CCDC71: variants seen among roughly 807,000 people sequenced by gnomAD.
The protein encoded by CCDC71 is coiled-coil domain containing 71.
For missense variants in CCDC71, 594 were observed against 604.0 expected (o/e 0.98, Z 0.17); for synonymous variants, 257 against 242.2 (o/e 1.06, Z -0.57).
At chr3:49,165,922 CAGG>C (rs1257510339) in intron 1 of CCDC71, among the ~76,000 whole-genome samples, 3 of 152,184 alleles carry the variant, frequency 2.0e-5, no homozygotes, top group East Asian at 3.9e-4. Flanking sequence ...CCGGGGAAGG[CAGG>C]AGAAGTTGAC....
At position 49,163,687 on chromosome 3, in the gene CCDC71, C is replaced by T. The variant is rs769469508; in HGVS notation, c.522G>A (p.Arg174=). 6.2e-7 allele frequency: 1 copy of T among 1,613,972 alleles called. No individual in the cohort carries two copies. Among genetic ancestry groups the T allele is most frequent in the African/African-American group, 1.3e-5 (1 of 74,926 alleles). Residue 174 remains arginine (R), a synonymous_variant, in exon 2 of 2, where the codon CGG becomes CGA. Coordinates refer to ENST00000321895, the MANE Select transcript of CCDC71 (RefSeq NM_022903.4). ...HLYPGVYPAM[R]LSVVLEALVP... ...CCAGGGCCTCAAGGACAACAGAGAG[C>T]CGCATGGCAGGGTAGACACCTGGAT...
In CCDC71 at chr3:49,162,993, G is replaced by A. The variant is rs369053039; in HGVS notation, c.1216C>T (p.Arg406Trp). 1.0e-4 allele frequency: 168 copies of A among 1,614,118 alleles called. No individual in the cohort carries two copies. Among genetic ancestry groups the A allele is most frequent in the Non-Finnish European group, 1.3e-4 (157 of 1,180,050 alleles). Residue 406 changes from arginine (R) to tryptophan (W), a missense_variant, in exon 2 of 2, where the codon CGG (arginine) becomes TGG (tryptophan). Transcript: ENST00000321895. ...GCCTTAGGAGATCGGGGCCCAAGCC[G>A]TGTTCTCTTCTTGGGAGGAAGATCT... is the stretch of plus-strand genomic sequence containing the variant. ...AKDLPPKKRT[R>W]LGPRSPKAWL...
chr3:49,163,635 A>G lies in CCDC71; in HGVS notation c.574T>C (p.Leu192=). 6.2e-7 allele frequency: 1 copy of G among 1,614,128 alleles called. No homozygotes were observed. Among genetic ancestry groups the G allele is most frequent in the Non-Finnish European group, 8.5e-7 (1 of 1,180,024 alleles). The change falls in exon 2 of 2, where the codon TTG becomes CTG. Residue 192 remains leucine (L), a synonymous_variant. Transcript: ENST00000321895. ...GACTGTGCCTTGTGCTTGGCACCCA[A>G]GCAGGGCATGGGAGTCTTAAGTGGA... The part of the protein sequence containing the change: ...LVPLKTPMPC[L]GAKHKAQSLQ...
At position 49,163,797 on chromosome 3, in the gene CCDC71, T is replaced by G. The variant is rs374351971; in HGVS notation, c.412A>C (p.Thr138Pro). The change falls in exon 2 of 2, where the codon ACC becomes CCC. Residue 138 changes from threonine (T) to proline (P), a missense_variant. Coordinates refer to ENST00000321895, the MANE Select transcript of CCDC71 (RefSeq NM_022903.4). The part of the protein sequence containing the change: ...ASTPALAKHA[T>P]TNLLLSSLKQ... ...AGAGAGCTCAGCAGCAGGTTGGTGG[T>G]AGCATGCTTGGCAAGGGCTGGTGTG... 6.2e-7 allele frequency: 1 copy of G among 1,614,140 alleles called. No homozygotes were observed. The highest frequency in any genetic ancestry group is 8.5e-7 in the Non-Finnish European group (1 of 1,180,026).
At position 49,163,127 on chromosome 3, in the gene CCDC71, C is replaced by A; in HGVS notation, c.1082G>T (p.Arg361Met). The stretch of plus-strand genomic sequence containing the variant: ...AGATCCCTTTGGCCTGCCTCTGCCC[C>A]TGGGCTGGGTCCGAGCCACCTTGGC... ...AKAKVARTQP[R>M]GRGRPKGSAK... Residue 361 changes from arginine to methionine, a missense_variant, in exon 2 of 2, where the codon AGG (arginine) becomes ATG (methionine). Transcript: ENST00000321895. The A allele has an allele frequency of 6.2e-7, 1 of 1,614,246 alleles. No homozygotes were observed.
chr3:49,162,739 C>T lies in CCDC71; in HGVS notation c.*66G>A. ...AAGATTGTGGAGTCCACGGACATAGCACACTGTGCCACTAGCCACACAGAC... is the reference window on the plus strand; with the variant it reads ...AAGATTGTGGAGTCCACGGACATAGTACACTGTGCCACTAGCCACACAGAC... On this transcript the variant is annotated 3_prime_UTR_variant, in exon 2 of 2. Transcript: ENST00000321895. 4 of 1,513,314 alleles carry T rather than the reference C, an allele frequency of 2.6e-6. No individual in the cohort carries two copies. The highest frequency in any genetic ancestry group is 3.6e-6 in the Non-Finnish European group (4 of 1,118,434). The allele number at this position is 1,513,314 out of a possible 1,614,324, so 93.7% of individuals were successfully genotyped here.
rs4955418 is a variant in CCDC71 at position 49,163,194 on chromosome 3, A to C, written c.1015T>G (p.Trp339Gly). 19 of 1,613,778 alleles carry C rather than the reference A, an allele frequency of 1.2e-5. No homozygotes were observed. The African/African-American group carries it at 2.3e-4, about 19-fold the overall frequency. The change falls in exon 2 of 2, where the codon TGG (tryptophan) becomes GGG (glycine). Residue 339 changes from tryptophan to glycine, a missense_variant. Transcript: ENST00000321895. ...TTGGCTTTAGCCTTGGCCTTGGCCC[A>C]TGCTGCCATGACTTTGGCCTTGGCC... is the stretch of plus-strand genomic sequence containing the variant. ...VKAKAKVMAAWAKAKAKAKAV... is the reference protein window; with the variant it reads ...VKAKAKVMAAGAKAKAKAKAV...
rs185195498 is a variant in CCDC71 at position 49,162,668 on chromosome 3, G to A, written c.*137C>T. ...ACCCCACCCACTCTGGTTTCTGAAA[G>A]GAGGCTGGTGGTCACCAGGGCCCTA... On this transcript the variant is annotated 3_prime_UTR_variant, in exon 2 of 2. Transcript: ENST00000321895. The A allele has an allele frequency of 5.4e-5, 17 of 315,488 alleles. No homozygotes were observed. Among genetic ancestry groups the A allele is most frequent in the South Asian group, 8.4e-5 (2 of 23,758 alleles). The allele number at this position is 315,488 out of a possible 1,614,324, so 19.5% of individuals were successfully genotyped here.
chr3:49,163,613 T>C lies in CCDC71; in HGVS notation c.596A>G (p.Gln199Arg), dbSNP rs144680166. 47 of 1,614,224 alleles carry C rather than the reference T, an allele frequency of 2.9e-5. 1 individual carries two copies. The Middle Eastern group carries it at 4.9e-4, about 17-fold the overall frequency. The change falls in exon 2 of 2, where the codon CAG (glutamine) becomes CGG (arginine). Residue 199 changes from glutamine to arginine, a missense_variant. Coordinates refer to ENST00000321895, the MANE Select transcript of CCDC71 (RefSeq NM_022903.4). ...MPCLGAKHKA[Q>R]SLQLSLADSP... ...GTCTGCAAGTGAGAGCTGCAGTGAC[T>C]GTGCCTTGTGCTTGGCACCCAAGCA...
chr3:49,162,796 G>A lies in CCDC71; in HGVS notation c.*9C>T. On this transcript the variant is annotated 3_prime_UTR_variant, in exon 2 of 2. Transcript: ENST00000321895. ...GCTTAGTTTCCCCAAACATTGCCGT[G>A]TGAAGGAATCAGACTGCTGAATATG... 1.9e-6 allele frequency: 3 copies of A among 1,610,210 alleles called. No homozygotes were observed. Among genetic ancestry groups the A allele is most frequent in the Non-Finnish European group, 2.5e-6 (3 of 1,177,258 alleles).
intron 1 of CCDC71, among the ~76,000 whole-genome samples, chr3:49,164,928 C>T (rs1429028206): frequency 6.6e-6 from 1 of 152,216 alleles, no homozygotes; most frequent in Non-Finnish European, 1.5e-5. Flanking sequence ...CCCAGACTTA[C>T]ACCCACTGTC....
rs553765878 is a variant in CCDC71 at position 49,162,752 on chromosome 3, T to G, written c.*53A>C. On this transcript the variant is annotated 3_prime_UTR_variant, in exon 2 of 2. Coordinates refer to ENST00000321895, the MANE Select transcript of CCDC71 (RefSeq NM_022903.4). ...CCACGGACATAGCACACTGTGCCAC[T>G]AGCCACACAGACAGCTGGGCTTAGT... 8.4e-5 allele frequency: 130 copies of G among 1,554,880 alleles called. 1 individual carries two copies. The South Asian group carries it at 1.3e-3, about 16-fold the overall frequency.
chr3:49,163,285 C>G lies in CCDC71; in HGVS notation c.924G>C (p.Lys308Asn). Reference protein sequence around the residue: ...KVARTQAKAAKARAKAKAAQV... With the variant: ...KVARTQAKAANARAKAKAAQV... ...GTGCTGCCTTGGCCTTGGCCCGGGC[C>G]TTAGCAGCCTTGGCCTGTGTTCGAG... Residue 308 changes from lysine (K) to asparagine (N), a missense_variant, in exon 2 of 2, where the codon AAG (lysine) becomes AAC (asparagine). Lys to Asn is a moderately conservative substitution (Grantham distance 94). Transcript: ENST00000321895. 1 of 1,590,310 alleles carries G rather than the reference C, an allele frequency of 6.3e-7. No homozygotes were observed. Among genetic ancestry groups the G allele is most frequent in the South Asian group, 1.1e-5 (1 of 90,204 alleles).
At position 49,166,183 on chromosome 3, in the gene CCDC71, G is replaced by A. The variant is rs1462440813; in HGVS notation, c.-53+84C>T. On this transcript the variant is annotated intron_variant, in intron 1 of 1. Transcript: ENST00000321895. The surrounding 1 kb of genome is among the most constrained non-coding windows in gnomAD (Gnocchi z 4.0). ...AGGCCGGCGGAGGACGCGGGTCCGG[G>A]AAGAGTTGGCCGCTTGCCCGTCCGC... 4 of 151,996 alleles carry A rather than the reference G, an allele frequency of 2.6e-5. No individual in the cohort carries two copies. The highest frequency in any genetic ancestry group is 9.7e-5 in the African/African-American group (4 of 41,424). The allele number at this position is 151,996 out of a possible 1,614,324, so 9.4% of individuals were successfully genotyped here.
Position 49,164,173 on chromosome 3 carries a change from A to G in CCDC71, c.36T>C (p.Ala12=). The G allele has an allele frequency of 1.9e-6, 3 of 1,611,306 alleles. No individual in the cohort carries two copies. Among genetic ancestry groups the G allele is most frequent in the Non-Finnish European group, 2.5e-6 (3 of 1,178,226 alleles). Residue 12 remains alanine, a synonymous_variant, in exon 2 of 2, where the codon GCT becomes GCC. Coordinates refer to ENST00000321895, the MANE Select transcript of CCDC71 (RefSeq NM_022903.4). ...TGGAGATGCGCGACCAGGAGTGCAC[A>G]GCTTTTTCCTCCACATGCTGAACCA... The part of the protein sequence containing the change: ...SVVVQHVEEK[A]VHSWSRISTA...
chr3:49,165,986 C>T (rs1450815718), intron 1 of CCDC71, among the ~76,000 whole-genome samples: 1 of 152,196 alleles, frequency 6.6e-6, no homozygotes, highest in East Asian at 1.9e-4. Flanking sequence ...GGGGAGGGGG[C>T]AGATCGGGGC....
chr3:49,165,503 G>A (rs997260814), intron 1 of CCDC71, among the ~76,000 whole-genome samples: 1 of 152,254 alleles, frequency 6.6e-6, no homozygotes, highest in East Asian at 1.9e-4. Flanking sequence ...CTCGGGCCAT[G>A]AGGCCCGTCT....
Position 49,163,786 on chromosome 3 carries a change from C to T in CCDC71, c.423G>A (p.Leu141=), listed in dbSNP as rs767390682. 6.8e-6 allele frequency: 11 copies of T among 1,613,992 alleles called. No individual in the cohort carries two copies. The highest frequency in any genetic ancestry group is 1.3e-5 in the African/African-American group (1 of 74,912). The change falls in exon 2 of 2, where the codon CTG becomes CTA. Residue 141 remains leucine (L), a synonymous_variant. Transcript: ENST00000321895. ...TTGATTGCTTCAGAGAGCTCAGCAG[C>T]AGGTTGGTGGTAGCATGCTTGGCAA... ...PALAKHATTN[L]LLSSLKQSSA...
chr3:49,163,008 G>T lies in CCDC71; in HGVS notation c.1201C>A (p.Pro401Thr). Residue 401 changes from proline (P) to threonine (T), a missense_variant, in exon 2 of 2, where the codon CCC (proline) becomes ACC (threonine). Physicochemically the swap from Pro to Thr is conservative, Grantham distance 38. Transcript: ENST00000321895. ...KRAEEAKDLP[P>T]KKRTRLGPRS... ...GGCCCAAGCCGTGTTCTCTTCTTGGGAGGAAGATCTTTTGCCTCCTCAGCC... is the reference window on the plus strand; with the variant it reads ...GGCCCAAGCCGTGTTCTCTTCTTGGTAGGAAGATCTTTTGCCTCCTCAGCC... 1 of 1,614,272 alleles carries T rather than the reference G, an allele frequency of 6.2e-7. No homozygotes were observed.
Sources: allele counts gnomAD v4.1 joint callset (sites outside exome capture counted in the v4.1 genomes callset), GRCh38; gene constraint gnomAD v4.1.1; non-coding constraint Gnocchi (gnomAD v3.1); transcripts MANE v1.5; gene names NCBI Gene and HGNC (gene_info 2026-07-23, HGNC 2026-07-21).